Variants in NCBP1 observed in about 807,000 individuals in gnomAD.
NCBP1 encodes nuclear cap binding protein subunit 1, also known as nuclear cap-binding protein subunit 1.
Under a neutral mutation model 111.7 loss-of-function variants are expected in NCBP1, and 16 were observed. The ratio of observed to expected loss-of-function variants is 0.14; its 90% CI spans 0.10 to 0.22. NCBP1 has a LOEUF of 0.22. Among genes scored for constraint, NCBP1 ranks in the 10% least tolerant of loss-of-function variants. The probability of loss-of-function intolerance (pLI) is 1.00; values close to 1 mark genes in which losing one functional copy is unlikely to be tolerated. For missense variants in NCBP1, 607 were observed against 957.5 expected (o/e 0.63, Z 4.83); for synonymous variants, 304 against 314.3 (o/e 0.97, Z 0.35).
Position 97,654,958 on chromosome 9 carries a change from T to C in NCBP1, c.1235+14T>C. The C allele has an allele frequency of 1.3e-6, 2 of 1,562,360 alleles. No homozygotes were observed. Among genetic ancestry groups the C allele is most frequent in the Non-Finnish European group, 1.7e-6 (2 of 1,154,678 alleles). On this transcript the variant is annotated intron_variant, in intron 12 of 22. Coordinates refer to ENST00000375147, the MANE Select transcript of NCBP1 (RefSeq NM_002486.5). ...CTGTGTAGACAGGTACAGTAATCGC[T>C]TTACTGCTGAGCTGAGTTAGCAGCT...
At position 97,671,216 on chromosome 9, in the gene NCBP1, A is replaced by G; in HGVS notation, c.*17A>G. 6.6e-7 allele frequency: 1 copy of G among 1,520,504 alleles called. No individual in the cohort carries two copies. Among genetic ancestry groups the G allele is most frequent in the Non-Finnish European group, 9.0e-7 (1 of 1,110,692 alleles). 94.2% of individuals were successfully genotyped at this position (1,520,504 alleles called of 1,614,324 possible). A position where few individuals can be genotyped will look rare whatever the true frequency, so the allele number is the denominator to read the frequency against. ...CAGGCCTAAGGGTCATTTTTTCCTC[A>G]TGTCAAGGTTTTTTTTGATATCTTA... On this transcript the variant is annotated 3_prime_UTR_variant, in exon 23 of 23. Coordinates refer to ENST00000375147, the MANE Select transcript of NCBP1 (RefSeq NM_002486.5).
Position 97,656,023 on chromosome 9 carries a change from T to C in NCBP1, c.1311T>C (p.Leu437=), listed in dbSNP as rs1373534077. The change falls in exon 14 of 23, where the codon CTT becomes CTC. Residue 437 remains leucine (L), a synonymous_variant. Transcript: ENST00000375147. The part of the protein sequence containing the change: ...RWSWEDWSDC[L]SQDPESPKPK... ...ATTTCCTCCTTAGGTCAGATTGTCTTAGTCAAGATCCTGAAAGTCCCAAAC... is the reference window on the plus strand; with the variant it reads ...ATTTCCTCCTTAGGTCAGATTGTCTCAGTCAAGATCCTGAAAGTCCCAAAC... 6.2e-7 allele frequency: 1 copy of C among 1,613,726 alleles called. No homozygotes were observed. The highest frequency in any genetic ancestry group is 1.3e-5 in the African/African-American group (1 of 74,940).
At chr9:97,653,119 C>CTTT (rs57742118) in intron 10 of NCBP1, among the ~76,000 whole-genome samples, 5,238 of 123,476 alleles carry the variant, frequency 0.042, 541 homozygotes, top group African/African-American at 0.16. Flanking sequence ...TAAAAGAATT[C>CTTT]TTTTTTTTTT....
chr9:97,639,219 G>C (rs1827134708), intron 1 of NCBP1, among the ~76,000 whole-genome samples: 1 of 152,156 alleles, frequency 6.6e-6, no homozygotes, highest in African/African-American at 2.4e-5. Flanking sequence ...CATTCAGTCA[G>C]GTTATCATGG....
intron 15 of NCBP1, 84 bp downstream of exon 15, chr9:97,658,827 G>T: frequency 9.1e-7 from 1 of 1,103,854 alleles, no homozygotes; most frequent in Non-Finnish European, 1.4e-6. Flanking sequence ...TGGAGAAATT[G>T]AACTTTTTCT....
intron 1 of NCBP1, among the ~76,000 whole-genome samples, chr9:97,635,340 C>T (rs1293546865): frequency 6.6e-6 from 1 of 152,054 alleles, no homozygotes; most frequent in African/African-American, 2.4e-5. Context: ...AATAACTATG[C>T]TGCGTGCTTT....
intron 6 of NCBP1, among the ~76,000 whole-genome samples, chr9:97,647,291 C>A (rs142441091): frequency 6.6e-6 from 1 of 152,256 alleles, no homozygotes; most frequent in African/African-American, 2.4e-5. Context: ...ATCAGTTAAC[C>A]TCTTTGTCAA....
At chr9:97,656,613 CACA>C (rs1049053845) in intron 14 of NCBP1, among the ~76,000 whole-genome samples, 1 of 152,140 alleles carries the variant, frequency 6.6e-6, no homozygotes, top group Non-Finnish European at 1.5e-5. Context: ...GAAAAGTTGG[CACA>C]ACATTACAAA....
intron 6 of NCBP1, 113 bp from the exon 7 acceptor site, chr9:97,647,379 C>A (rs1489752593): frequency 9.4e-6 from 7 of 742,416 alleles, no homozygotes; most frequent in Non-Finnish European, 1.4e-5. Context: ...TCTGCCACTC[C>A]AGTAGGTAAA....
intron 18 of NCBP1, 39 bp downstream of exon 18, chr9:97,663,086 G>A (rs777757200): frequency 6.9e-7 from 1 of 1,452,894 alleles, no homozygotes; most frequent in Non-Finnish European, 9.6e-7. Context: ...AGCTCTGATT[G>A]TATGGGTATA....
Position 97,671,215 on chromosome 9 carries a change from C to G in NCBP1, c.*16C>G. ...GCAGGCCTAAGGGTCATTTTTTCCT[C>G]ATGTCAAGGTTTTTTTTGATATCTT... On this transcript the variant is annotated 3_prime_UTR_variant, in exon 23 of 23. Transcript: ENST00000375147. 6.5e-7 allele frequency: 1 copy of G among 1,528,948 alleles called. No homozygotes were observed. Among genetic ancestry groups the G allele is most frequent in the Non-Finnish European group, 9.0e-7 (1 of 1,115,238 alleles). The allele number at this position is 1,528,948 out of a possible 1,614,324, so 94.7% of individuals were successfully genotyped here.
At chr9:97,663,612 G>A (rs934512784) in intron 18 of NCBP1, among the ~76,000 whole-genome samples, 1 of 151,834 alleles carries the variant, frequency 6.6e-6, no homozygotes, top group Non-Finnish European at 1.5e-5. Flanking sequence ...AGCCTCCCGA[G>A]TAGCTGGGAT....
intron 9 of NCBP1, among the ~76,000 whole-genome samples, chr9:97,650,939 AT>A (rs112595685): frequency 1.3e-4 from 20 of 149,300 alleles, no homozygotes; most frequent in Non-Finnish European, 1.6e-4. Flanking sequence ...AAGCTTTGGA[AT>A]TTTTTTTTTT....
intron 14 of NCBP1, among the ~76,000 whole-genome samples, chr9:97,657,921 TA>T (rs1408270446): frequency 4.7e-5 from 5 of 105,986 alleles, no homozygotes; most frequent in East Asian, 4.4e-4. Flanking sequence ...TATATATATA[TA>T]TATATTTTTT....
At chr9:97,642,305 T>C (rs942308219) in intron 3 of NCBP1, among the ~76,000 whole-genome samples, 4 of 152,114 alleles carry the variant, frequency 2.6e-5, no homozygotes, top group Admixed American at 6.5e-5. Flanking sequence ...GCTGAACTTG[T>C]ATTGCTTCGC....
At chr9:97,638,818 C>G (rs1440846776) in intron 1 of NCBP1, among the ~76,000 whole-genome samples, 2 of 152,126 alleles carry the variant, frequency 1.3e-5, no homozygotes, top group African/African-American at 4.8e-5. Context: ...CTAGTTTTGA[C>G]TACTAAAAAT....
Position 97,643,271 on chromosome 9 carries a change from T to C in NCBP1, c.292T>C (p.Tyr98His). Reference protein sequence around the residue: ...TLVGLLNARNYNFGGEFVEAM... With the variant: ...TLVGLLNARNHNFGGEFVEAM... ...AGTTGGACTACTGAATGCCAGGAAT[T>C]ACAATTTTGGTGGAGAATTTGTAGA... The change falls in exon 4 of 23, where the codon TAC becomes CAC. Residue 98 changes from tyrosine (Y) to histidine (H), a missense_variant. By Grantham distance (83) the Tyr-to-His change is moderately conservative. Coordinates refer to ENST00000375147, the MANE Select transcript of NCBP1 (RefSeq NM_002486.5). 6.2e-7 allele frequency: 1 copy of C among 1,611,482 alleles called. No individual in the cohort carries two copies.
chr9:97,661,348 G>C (rs1219703227), intron 16 of NCBP1, among the ~76,000 whole-genome samples: 2 of 152,136 alleles, frequency 1.3e-5, no homozygotes, highest in Non-Finnish European at 2.9e-5. Flanking sequence ...CCATAGAGAA[G>C]TTCCTGAATA....
At chr9:97,658,844 G>C (rs1304257748) in intron 15 of NCBP1, 101 bp downstream of exon 15, 4 of 896,002 alleles carry the variant, frequency 4.5e-6, no homozygotes, top group Non-Finnish European at 7.2e-6. Flanking sequence ...TTCTTTTCTT[G>C]GGGTTTATAT....
Sources: allele counts gnomAD v4.1 joint callset (sites outside exome capture counted in the v4.1 genomes callset), GRCh38; gene constraint gnomAD v4.1.1; transcripts MANE v1.5; gene names NCBI Gene and HGNC (gene_info 2026-07-23, HGNC 2026-07-21).